Variants in ISM1 observed in about 807,000 individuals in gnomAD.
The protein encoded by ISM1 is isthmin 1, also known as isthmin-1.
Under a neutral mutation model 46.3 loss-of-function variants are expected in ISM1, and 25 were observed. The observed-to-expected ratio is 0.54, with a 90% CI of 0.39 to 0.75. The LOEUF is 0.75. Among genes scored for constraint, ISM1 ranks in the 30% least tolerant of loss-of-function variants. The probability of loss-of-function intolerance (pLI) is 0.00; values close to 1 mark genes in which losing one functional copy is unlikely to be tolerated. For missense variants in ISM1, 536 were observed against 625.4 expected, an observed-to-expected ratio of 0.86 and a Z score of 1.52; for synonymous variants, 255 against 256.7, an observed-to-expected ratio of 0.99 and a Z score of 0.06.
chr20:13,243,962 G>A (rs2039762551), intron 1 of ISM1: 1 of 152,208 alleles, frequency 6.6e-6, no homozygotes, highest in African/African-American at 2.4e-5. Context: ...AATGAGGATA[G>A]ACCTCAATGC....
chr20:13,307,046 G>A, the ISM1 span, among the ~76,000 whole-genome samples: 1,318 of 152,274 alleles, frequency 8.7e-3, 10 homozygotes, highest in Non-Finnish European at 0.014. Flanking sequence ...AAGAACAAAA[G>A]CAGCTGATCC....
At chr20:13,237,366 A>G (rs2039663430) in intron 1 of ISM1, among the ~76,000 whole-genome samples, 1 of 152,236 alleles carries the variant, frequency 6.6e-6, no homozygotes, top group Non-Finnish European at 1.5e-5. Context: ...ATGGATAATA[A>G]GGTAGTTAAG....
At chr20:13,310,391 G>A in the ISM1 span, among the ~76,000 whole-genome samples, 90 of 152,192 alleles carry the variant, frequency 5.9e-4, no homozygotes, top group African/African-American at 2.0e-3. Context: ...AATGAAATTG[G>A]ACTCTTATCT....
intron 1 of ISM1, among the ~76,000 whole-genome samples, chr20:13,227,932 C>G (rs1260155274): frequency 1.4e-5 from 2 of 146,426 alleles, no homozygotes; most frequent in African/African-American, 5.0e-5. Flanking sequence ...CTAAGATTTA[C>G]TTATTTCTTT....
At chr20:13,223,500 A>T (rs528154561) in intron 1 of ISM1, among the ~76,000 whole-genome samples, 1 of 152,346 alleles carries the variant, frequency 6.6e-6, no homozygotes, top group African/African-American at 2.4e-5. Flanking sequence ...AAGTTCAGAC[A>T]TTCCAAACTC....
At chr20:13,292,031 A>G (rs936448885) in intron 4 of ISM1, among the ~76,000 whole-genome samples, 1 of 152,114 alleles carries the variant, frequency 6.6e-6, no homozygotes, top group African/African-American at 2.4e-5. Context: ...GATATTAAAC[A>G]CTACGTTCTA....
downstream of ISM1, among the ~76,000 whole-genome samples, chr20:13,304,379 C>T (rs1352169887): frequency 6.6e-6 from 1 of 152,136 alleles, no homozygotes; most frequent in African/African-American, 2.4e-5. Flanking sequence ...CCTTCTCACT[C>T]CCCCACTGTC....
At chr20:13,286,822 G>A (rs1467748950) in intron 3 of ISM1, among the ~76,000 whole-genome samples, 1 of 152,208 alleles carries the variant, frequency 6.6e-6, no homozygotes, top group African/African-American at 2.4e-5. Flanking sequence ...TTCCTGCTGG[G>A]CCTATGTAAT....
chr20:13,273,334 A>G (rs1287869238), intron 2 of ISM1, among the ~76,000 whole-genome samples: 1 of 151,722 alleles, frequency 6.6e-6, no homozygotes, highest in East Asian at 1.9e-4. Flanking sequence ...TCCTGGGCTC[A>G]AGTGATCCTC....
At chr20:13,292,161 TG>T (rs2040360262) in intron 4 of ISM1, among the ~76,000 whole-genome samples, 1 of 152,254 alleles carries the variant, frequency 6.6e-6, no homozygotes, top group Non-Finnish European at 1.5e-5. Flanking sequence ...CATTTGGATC[TG>T]ATTTCACGTT....
chr20:13,233,024 CAAA>C (rs35520629), intron 1 of ISM1, among the ~76,000 whole-genome samples: 1 of 142,210 alleles, frequency 7.0e-6, no homozygotes. Context: ...GATGCTGGAC[CAAA>C]AAAAAAAAAG....
At chr20:13,282,904 C>A (rs998608296) in intron 3 of ISM1, among the ~76,000 whole-genome samples, 1 of 152,216 alleles carries the variant, frequency 6.6e-6, no homozygotes, top group Non-Finnish European at 1.5e-5. Flanking sequence ...ATTGTAGGTG[C>A]TCAGTAGCAT....
At chr20:13,320,270 C>T in the ISM1 span, among the ~76,000 whole-genome samples, 1 of 152,146 alleles carries the variant, frequency 6.6e-6, no homozygotes, top group Admixed American at 6.5e-5. Flanking sequence ...AAAAATACTT[C>T]CTAAATTCCC....
At chr20:13,319,126 T>C in the ISM1 span, among the ~76,000 whole-genome samples, 3 of 152,134 alleles carry the variant, frequency 2.0e-5, no homozygotes, top group Admixed American at 2.0e-4. Flanking sequence ...GGGCAGGGGA[T>C]ATTTGGGAAA....
chr20:13,289,923 C>T (rs1031144936), intron 4 of ISM1, among the ~76,000 whole-genome samples: 6 of 152,078 alleles, frequency 3.9e-5, no homozygotes, highest in Admixed American at 1.3e-4. Flanking sequence ...ATCCTTACAC[C>T]CCAGACTTCC....
At chr20:13,285,550 T>C (rs534902574) in intron 3 of ISM1, among the ~76,000 whole-genome samples, 146 of 152,288 alleles carry the variant, frequency 9.6e-4, no homozygotes, top group Non-Finnish European at 1.8e-3. Context: ...CACTTCACGC[T>C]TGGGGGAAGA....
intron 2 of ISM1, 60 bp from the exon 3 acceptor site, chr20:13,279,574 G>T: frequency 6.6e-7 from 1 of 1,526,006 alleles, no homozygotes; most frequent in Non-Finnish European, 8.9e-7. Flanking sequence ...TCTTCCAAGG[G>T]TCATGTAGCT....
chr20:13,271,679 T>G (rs1471099638), intron 2 of ISM1, among the ~76,000 whole-genome samples: 1 of 152,214 alleles, frequency 6.6e-6, no homozygotes, highest in African/African-American at 2.4e-5. Context: ...TGTTTGTACC[T>G]TTCTCTGTTT....
intron 1 of ISM1, among the ~76,000 whole-genome samples, chr20:13,265,934 G>A (rs942990093): frequency 6.6e-6 from 1 of 152,092 alleles, no homozygotes; most frequent in Admixed American, 6.6e-5. Flanking sequence ...AGTCAGCCAC[G>A]CTTAGACTAC....
Sources: allele counts gnomAD v4.1 joint callset (sites outside exome capture counted in the v4.1 genomes callset), GRCh38; gene constraint gnomAD v4.1.1; transcripts MANE v1.5; gene names NCBI Gene and HGNC (gene_info 2026-07-23, HGNC 2026-07-21).